DNAH14: variants seen among roughly 807,000 people sequenced by gnomAD.
DNAH14 encodes axonemal beta dynein heavy chain 14.
Under a neutral mutation model 520.9 loss-of-function variants are expected in DNAH14, and 478 were observed. That is an observed-to-expected ratio of 0.92 (90% confidence interval 0.85 to 0.99). The LOEUF (loss-of-function observed/expected upper bound fraction) is 0.99. Among genes scored for constraint, DNAH14 ranks in the 50% least tolerant of loss-of-function variants. The pLI is 0.00. For missense variants in DNAH14, 4,831 were observed against 5,234.5 expected (o/e 0.92, Z 2.38); for synonymous variants, 1,581 against 1,757.2 (o/e 0.90, Z 2.51).
At chr1:225,366,414 C>G (rs2095553914) in intron 76 of DNAH14, among the ~76,000 whole-genome samples, 1 of 152,202 alleles carries the variant, frequency 6.6e-6, no homozygotes, top group South Asian at 2.1e-4. Flanking sequence ...TCTTCTCTCT[C>G]TCTCTGCCCT....
At chr1:225,283,772 G>A (rs997836972) in intron 54 of DNAH14, among the ~76,000 whole-genome samples, 16 of 152,100 alleles carry the variant, frequency 1.1e-4, no homozygotes, top group South Asian at 6.2e-4. Flanking sequence ...AGGAGAGACC[G>A]AATGCCAAGC....
At chr1:225,255,333 A>G (rs2092696961) in intron 44 of DNAH14, among the ~76,000 whole-genome samples, 1 of 152,218 alleles carries the variant, frequency 6.6e-6, no homozygotes, top group South Asian at 2.1e-4. Context: ...ATTTTGATTG[A>G]ATCAATCAAG....
At chr1:225,345,893 CAG>C in intron 69 of DNAH14, 67 bp from the exon 70 acceptor site, 10 of 1,310,962 alleles carry the variant, frequency 7.6e-6, no homozygotes, top group Non-Finnish European at 1.0e-5. Context: ...ACAAAGAGTG[CAG>C]AGTGAGGAAA....
chr1:225,048,531 T>C (rs1003155911), intron 15 of DNAH14, among the ~76,000 whole-genome samples: 13 of 152,096 alleles, frequency 8.5e-5, no homozygotes, highest in African/African-American at 3.1e-4. Flanking sequence ...TAATTATCCA[T>C]GTTGTTACAT....
Position 224,952,764 on chromosome 1 carries a change from C to A in DNAH14, c.62C>A (p.Thr21Asn). The A allele has an allele frequency of 3.1e-6, 5 of 1,597,994 alleles. No individual in the cohort carries two copies. The highest frequency in any genetic ancestry group is 4.3e-6 in the Non-Finnish European group (5 of 1,172,134). ...TENQEMDKEE[T>N]KTKPRLLRYE... is the part of the protein sequence containing the mutation. ...AATCAAGAGATGGACAAGGAGGAAA[C>A]CAAGACAAAACCAAGGTAAAAGTAA... The change falls in exon 2 of 86, where the codon ACC (threonine) becomes AAC (asparagine). Residue 21 changes from threonine (T) to asparagine (N), a missense_variant. Coordinates refer to ENST00000682510, the MANE Select transcript of DNAH14 (RefSeq NM_001367479.1).
At chr1:224,988,170 C>T (rs1193913827) in intron 8 of DNAH14, among the ~76,000 whole-genome samples, 4 of 152,024 alleles carry the variant, frequency 2.6e-5, no homozygotes, top group African/African-American at 4.8e-5. Flanking sequence ...TTTTTTCCTG[C>T]GTTAGTTTGC....
At chr1:225,053,031 T>C (rs2068692922) in intron 17 of DNAH14, among the ~76,000 whole-genome samples, 1 of 152,062 alleles carries the variant, frequency 6.6e-6, no homozygotes, top group Non-Finnish European at 1.5e-5. Flanking sequence ...AAAGAAAATC[T>C]CTGAATTCCA....
Position 225,270,942 on chromosome 1 carries a change from A to G in DNAH14, c.7671+76A>G, listed in dbSNP as rs568313691. ...AGGAAAAATACGAGAACTTAAATCC[A>G]CTAATATTGAAAGAAAATTACTTTA... is the stretch of plus-strand genomic sequence containing the variant. On this transcript the variant is annotated intron_variant, in intron 50 of 85. Coordinates refer to ENST00000682510, the MANE Select transcript of DNAH14 (RefSeq NM_001367479.1). 2.9e-6 allele frequency: 4 copies of G among 1,384,428 alleles called. No homozygotes were observed. The Admixed American group carries it at 6.9e-5, about 24-fold the overall frequency. 85.8% of individuals were successfully genotyped at this position (1,384,428 alleles called of 1,614,324 possible). A position where few individuals can be genotyped will look rare whatever the true frequency, so the allele number is the denominator to read the frequency against.
At chr1:224,955,276 T>TC (rs145391930) in intron 3 of DNAH14, among the ~76,000 whole-genome samples, 178 bp downstream of exon 3, 1 of 151,970 alleles carries the variant, frequency 6.6e-6, no homozygotes, top group African/African-American at 2.4e-5. Context: ...AACGGGAACA[T>TC]TAACTACTCA....
At chr1:225,247,593 A>G (rs1293879106) in intron 43 of DNAH14, among the ~76,000 whole-genome samples, 3 of 152,200 alleles carry the variant, frequency 2.0e-5, no homozygotes, top group Admixed American at 6.5e-5. Flanking sequence ...TGACGATATA[A>G]TATCAGAGAA....
intron 11 of DNAH14, among the ~76,000 whole-genome samples, chr1:225,024,948 C>T (rs2065981612): frequency 6.6e-6 from 1 of 151,930 alleles, no homozygotes; most frequent in Admixed American, 6.6e-5. Context: ...GTAGTCTTTT[C>T]CTAAATGTTT....
intron 31 of DNAH14, 73 bp downstream of exon 31, chr1:225,147,322 A>C (rs1471461554): frequency 7.3e-7 from 1 of 1,367,168 alleles, no homozygotes; most frequent in East Asian, 2.7e-5. Flanking sequence ...AATTATTGTT[A>C]AATATTTTCC....
chr1:225,100,443 T>C (rs779032572), intron 22 of DNAH14, among the ~76,000 whole-genome samples: 7 of 152,194 alleles, frequency 4.6e-5, no homozygotes, highest in Non-Finnish European at 1.0e-4. Flanking sequence ...TCTACTTACC[T>C]TATGCAGAAT....
intron 61 of DNAH14, 96 bp downstream of exon 61, chr1:225,318,773 A>G (rs756900164): frequency 1.4e-5 from 16 of 1,134,542 alleles, no homozygotes; most frequent in Non-Finnish European, 2.0e-5. Context: ...CCTATATACT[A>G]AGCCTATATT....
At chr1:225,333,571 G>A in intron 66 of DNAH14, 65 bp downstream of exon 66, 1 of 1,399,124 alleles carries the variant, frequency 7.1e-7, no homozygotes, top group Non-Finnish European at 9.7e-7. Context: ...TTAGCTGTAT[G>A]TGTAGTTTCG....
intron 7 of DNAH14, chr1:224,969,532 T>C (rs1430578896): frequency 5.8e-6 from 1 of 172,752 alleles, no homozygotes; most frequent in Non-Finnish European, 1.2e-5. Flanking sequence ...TTACTACTCA[T>C]TAAATGGAAG....
At position 225,023,652 on chromosome 1, in the gene DNAH14, C is replaced by A; in HGVS notation, c.1145C>A (p.Ser382Ter). 1 of 1,544,528 alleles carries A rather than the reference C, an allele frequency of 6.5e-7. No homozygotes were observed. The highest frequency in any genetic ancestry group is 1.2e-5 in the South Asian group (1 of 82,408). ...EKNEIKEYFESKLSEDDTTHF... is the reference protein window; with the variant it reads ...EKNEIKEYFE ...AATGAAATCAAAGAGTATTTTGAGT[C>A]AAAACTCTCTGAAGATGACACAACA... The change falls in exon 11 of 86, where the codon TCA (serine) becomes TAA (stop). Residue 382 changes from serine (S) to a stop codon, truncating the protein, a stop_gained. Coordinates refer to ENST00000682510, the MANE Select transcript of DNAH14 (RefSeq NM_001367479.1). LOFTEE classifies it high-confidence loss of function.
intron 64 of DNAH14, among the ~76,000 whole-genome samples, chr1:225,329,597 A>G (rs539635169): frequency 1.3e-5 from 2 of 152,300 alleles, no homozygotes; most frequent in South Asian, 2.1e-4. Context: ...CTGGATATCT[A>G]TATCCAGAAG....
chr1:225,063,260 T>C (rs1008414423), intron 17 of DNAH14, among the ~76,000 whole-genome samples: 3 of 152,318 alleles, frequency 2.0e-5, no homozygotes, highest in African/African-American at 7.2e-5. Context: ...ATGTAAATCA[T>C]GTATTTGCAT....
Sources: allele counts gnomAD v4.1 joint callset (sites outside exome capture counted in the v4.1 genomes callset), GRCh38; gene constraint gnomAD v4.1.1; transcripts MANE v1.5; gene names NCBI Gene and HGNC (gene_info 2026-07-23, HGNC 2026-07-21).